The following TSPAN10 variants were observed in gnomAD, a reference collection of about 807,000 sequenced individuals.
TSPAN10 encodes tetraspanin 10, also known as tetraspanin-10.
TSPAN10 carries 11 observed loss-of-function variants against 15.0 expected under a neutral mutation model. That is an observed-to-expected ratio of 0.73 (90% CI 0.46 to 1.21). The LOEUF (loss-of-function observed/expected upper bound fraction) is 1.21, where lower values mean the gene tolerates loss of function less well. Ranked by LOEUF, TSPAN10 falls within the 50% of genes most tolerant of loss-of-function variation. The pLI, the probability that TSPAN10 is intolerant of heterozygous loss-of-function variation, is 0.00. For missense variants in TSPAN10, 486 were observed against 470.6 expected, an observed-to-expected ratio of 1.03 and a Z score of -0.30; for synonymous variants, 241 against 226.2, an observed-to-expected ratio of 1.07 and a Z score of -0.59.
Position 81,647,891 on chromosome 17 carries a change from C to T in TSPAN10, c.675-10C>T, listed in dbSNP as rs759556681. ...CCCCGCCAGAACTGACGATTCCATG[C>T]GCCTTGCAGGTACTTTAACTGCAGC... On this transcript the variant is annotated splice_polypyrimidine_tract_variant and intron_variant, in intron 2 of 2. Coordinates refer to ENST00000611590, the Ensembl canonical transcript of TSPAN10. 9 of 1,591,430 alleles carry T rather than the reference C, an allele frequency of 5.7e-6. No homozygotes were observed. The highest frequency in any genetic ancestry group is 1.7e-4 in the Middle Eastern group (1 of 6,040).
At position 81,648,188 on chromosome 17, in the gene TSPAN10, C is replaced by G. The variant is rs929539573; in HGVS notation, c.962C>G (p.Ala321Gly). The G allele has an allele frequency of 1.7e-4, 234 of 1,411,024 alleles. 1 individual carries two copies. Among genetic ancestry groups the G allele is most frequent in the Non-Finnish European group, 2.0e-4 (219 of 1,096,048 alleles). The allele number at this position is 1,411,024 out of a possible 1,614,324, so 87.4% of individuals were successfully genotyped here. Residue 321 changes from alanine (A) to glycine (G), a missense_variant, in exon 3 of 3, where the codon GCC (alanine) becomes GGC (glycine). Ala to Gly is a moderately conservative substitution (Grantham distance 60). Coordinates refer to ENST00000611590, the Ensembl canonical transcript of TSPAN10. ...GCCCGGCTACTCGGGGCCCTCGCTG[C>G]CCGCAGGGGGGCGGCGTACGGCCCC...
At chr17:81,647,964 C>CAGG in exon 3 of TSPAN10, 1 of 1,610,942 alleles carries the variant, frequency 6.2e-7, no homozygotes, top group African/African-American at 1.3e-5. Flanking sequence ...GCTGCATCGA[C>CAGG]CCCCGCGAAG....
upstream of TSPAN10, chr17:81,642,246 C>T (rs60389196): frequency 0.049 from 30,511 of 625,156 alleles, 1,516 homozygotes; most frequent in East Asian, 0.24. Context: ...ACTGTGACTC[C>T]GGCATCTGGG....
At chr17:81,644,519 C>T (rs2036216779) in intron 1 of TSPAN10, among the ~76,000 whole-genome samples, 1 of 152,196 alleles carries the variant, frequency 6.6e-6, no homozygotes, top group Non-Finnish European at 1.5e-5. Context: ...GAGGAAGCCC[C>T]TCTACACAAG....
intron 2 of TSPAN10, among the ~76,000 whole-genome samples, chr17:81,646,753 C>T (rs2036259866): frequency 6.6e-6 from 1 of 152,040 alleles, no homozygotes; most frequent in South Asian, 2.1e-4. Context: ...TCCACAGTTT[C>T]CCTCCACCGT....
exon 2 of TSPAN10, chr17:81,645,547 G>C (rs2036239938): frequency 6.2e-7 from 1 of 1,608,826 alleles, no homozygotes; most frequent in African/African-American, 1.3e-5. Flanking sequence ...GGACGACCCA[G>C]ACCTGCGCTT....
At chr17:81,642,528 G>C in intron 1 of TSPAN10, 80 bp downstream of exon 2, 1 of 1,443,390 alleles carries the variant, frequency 6.9e-7, no homozygotes. Flanking sequence ...CCTGGGCTGG[G>C]TTCACACCCA....
intron 1 of TSPAN10, among the ~76,000 whole-genome samples, chr17:81,644,126 G>A (rs1283707620): frequency 6.6e-6 from 1 of 151,904 alleles, no homozygotes; most frequent in Non-Finnish European, 1.5e-5. Flanking sequence ...TGGGATGACA[G>A]GCGTGAGCCA....
At chr17:81,641,541 C>T (rs1217143169), upstream of TSPAN10, among the ~76,000 whole-genome samples, 13 of 152,156 alleles carry the variant, frequency 8.5e-5, no homozygotes, top group African/African-American at 2.6e-4. Flanking sequence ...GTCTCACGCG[C>T]GCCTGAAACC....
rs772811600 is a variant in TSPAN10 at position 81,644,983 on chromosome 17, C to G, written c.37-9C>G. On this transcript the variant is annotated splice_polypyrimidine_tract_variant and intron_variant, in intron 1 of 2. Coordinates refer to ENST00000611590, the Ensembl canonical transcript of TSPAN10. ...ATGCGGTCTCACCCTGTTCCTCTTC[C>G]CTCTGCAGGAAACTGCAGGCCAGAA... 2 of 1,610,172 alleles carry G rather than the reference C, an allele frequency of 1.2e-6. No individual in the cohort carries two copies. The highest frequency in any genetic ancestry group is 1.7e-5 in the Admixed American group (1 of 59,866).
chr17:81,645,705 A>G, intron 2 of TSPAN10, 76 bp downstream of exon 3: 1 of 1,550,886 alleles, frequency 6.4e-7, no homozygotes, highest in Non-Finnish European at 8.8e-7. Flanking sequence ...GTGTACACAC[A>G]GTCACTCACA....
At chr17:81,644,965 C>G in intron 1 of TSPAN10, 27 bp from the exon 3 acceptor site, 1 of 1,607,482 alleles carries the variant, frequency 6.2e-7, no homozygotes. Flanking sequence ...TGAATGCGGT[C>G]TCACCCTGTT....
At chr17:81,642,543 T>A (rs2036188586) in intron 1 of TSPAN10, 95 bp downstream of exon 2, 2 of 1,231,160 alleles carry the variant, frequency 1.6e-6, no homozygotes, top group Non-Finnish European at 2.3e-6. Context: ...CACCCACCCC[T>A]GCCCCTGGTG....
downstream of TSPAN10, chr17:81,648,715 G>A (rs1214143728): frequency 6.3e-6 from 1 of 159,174 alleles, no homozygotes; most frequent in Non-Finnish European, 1.4e-5. Context: ...TTTTATTCGG[G>A]TGTATCATTC....
upstream of TSPAN10, among the ~76,000 whole-genome samples, chr17:81,640,348 A>G (rs955299243): frequency 8.2e-6 from 1 of 122,122 alleles, no homozygotes; most frequent in African/African-American, 3.3e-5. Context: ...GAGACCTCAC[A>G]TGTTTTTTCT....
At chr17:81,647,824 G>C (rs2036274949) in intron 2 of TSPAN10, 77 bp from the exon 4 acceptor site, 64 of 1,502,466 alleles carry the variant, frequency 4.3e-5, no homozygotes, top group Non-Finnish European at 5.6e-5. Context: ...AGGTGGGTAG[G>C]CGACATTCGC....
upstream of TSPAN10, chr17:81,637,524 C>CAT (rs2036120662): frequency 1.6e-6 from 1 of 621,270 alleles, no homozygotes; most frequent in Admixed American, 2.4e-5. Flanking sequence ...TCAGGCCGGG[C>CAT]GCGGTGGCTC....
downstream of TSPAN10, chr17:81,648,467 C>T: frequency 1.6e-6 from 1 of 623,860 alleles, no homozygotes. Context: ...GTCCCCCATG[C>T]CAGCCCCCAA....
chr17:81,647,865 T>A, intron 2 of TSPAN10, 36 bp from the exon 4 acceptor site: 1 of 1,578,426 alleles, frequency 6.3e-7, no homozygotes, highest in Non-Finnish European at 8.5e-7. Context: ...GAGCGGGCCC[T>A]CCCCGCCAGA....
Sources: allele counts gnomAD v4.1 joint callset (sites outside exome capture counted in the v4.1 genomes callset), GRCh38; gene constraint gnomAD v4.1.1; transcripts MANE v1.5; gene names NCBI Gene and HGNC (gene_info 2026-07-23, HGNC 2026-07-21).